The following DDX19A variants were observed in gnomAD, a reference collection of about 807,000 sequenced individuals.
The protein encoded by DDX19A is DEAD-box helicase 19A.
DDX19A carries 12 observed loss-of-function variants against 60.6 expected under a neutral mutation model. The ratio of observed to expected loss-of-function variants is 0.20; its 90% confidence interval spans 0.13 to 0.32. The LOEUF is 0.32. Ranked by LOEUF, DDX19A falls within the 10% of genes least tolerant of loss-of-function variation. The probability of loss-of-function intolerance (pLI) is 1.00; values close to 1 mark genes in which losing one functional copy is unlikely to be tolerated. For synonymous variants in DDX19A, 206 were observed against 218.2 expected, an observed-to-expected ratio of 0.94 and a Z score of 0.49; for missense variants, 337 against 600.6, an observed-to-expected ratio of 0.56 and a Z score of 4.59.
intron 2 of DDX19A, among the ~76,000 whole-genome samples, chr16:70,351,681 T>A (rs1032270124): frequency 2.7e-4 from 41 of 151,750 alleles, no homozygotes; most frequent in African/African-American, 8.7e-4. Context: ...CCCGCCACCA[T>A]GCCCAGCTAA....
intron 1 of DDX19A, chr16:70,347,923 C>T (rs1963887697): frequency 2.4e-6 from 1 of 414,160 alleles, no homozygotes; most frequent in Admixed American, 2.9e-5. Flanking sequence ...CTCCCGACCT[C>T]AAGTGATCCG....
chr16:70,351,082 C>A (rs1410833457), intron 2 of DDX19A, among the ~76,000 whole-genome samples: 1 of 150,764 alleles, frequency 6.6e-6, no homozygotes, highest in Non-Finnish European at 1.5e-5. Context: ...TAGGGTTTCG[C>A]CGTGTTAGCC....
intron 2 of DDX19A, 69 bp from the exon 3 acceptor site, chr16:70,355,416 A>T (rs1293292424): frequency 2.8e-6 from 3 of 1,074,518 alleles, no homozygotes; most frequent in Non-Finnish European, 2.9e-6. Context: ...GTATTTATTT[A>T]TATTGTCCCA....
At chr16:70,357,374 T>TTG (rs1964242345) in intron 4 of DDX19A, among the ~76,000 whole-genome samples, 2 of 43,482 alleles carry the variant, frequency 4.6e-5, no homozygotes, top group East Asian at 1.4e-3. Context: ...TTGTTTTTTT[T>TTG]TTTTTTTTTT....
chr16:70,361,427 G>A lies in DDX19A; in HGVS notation c.303G>A (p.Gln101=). 3 of 1,613,528 alleles carry A rather than the reference G, an allele frequency of 1.9e-6. No individual in the cohort carries two copies. Among genetic ancestry groups the A allele is most frequent in the Non-Finnish European group, 2.5e-6 (3 of 1,179,544 alleles). The change falls in exon 5 of 12, where the codon CAG becomes CAA. Residue 101 remains glutamine (Q), a synonymous_variant. Coordinates refer to ENST00000302243, the MANE Select transcript of DDX19A (RefSeq NM_018332.5). ...KSFEELRLKP[Q]LLQGVYAMGF... ...CTTCCTGGCTTCCTAGGAAACCACA[G>A]CTTCTCCAGGGAGTCTATGCCATGG...
intron 1 of DDX19A, among the ~76,000 whole-genome samples, chr16:70,347,490 A>G (rs1427131743): frequency 6.6e-6 from 1 of 152,200 alleles, no homozygotes; most frequent in Non-Finnish European, 1.5e-5. Context: ...TAATACCTCA[A>G]TCTACTGCAG....
At chr16:70,369,850 A>T (rs555963033) in intron 9 of DDX19A, among the ~76,000 whole-genome samples, 1 of 152,092 alleles carries the variant, frequency 6.6e-6, no homozygotes, top group African/African-American at 2.4e-5. Context: ...AGTTCAAGCG[A>T]TCCACGTGCC....
At chr16:70,352,003 G>A (rs959287847) in intron 2 of DDX19A, among the ~76,000 whole-genome samples, 1 of 152,016 alleles carries the variant, frequency 6.6e-6, no homozygotes, top group Non-Finnish European at 1.5e-5. Context: ...TCAAAATAAG[G>A]TCACATTCTG....
chr16:70,350,122 C>G (rs1194645726), intron 1 of DDX19A, among the ~76,000 whole-genome samples: 1 of 152,022 alleles, frequency 6.6e-6, no homozygotes, highest in Non-Finnish European at 1.5e-5. Flanking sequence ...GCATGGTGGT[C>G]CACACCTGTG....
intron 10 of DDX19A, chr16:70,371,081 CT>C: frequency 1.8e-6 from 1 of 555,492 alleles, no homozygotes; most frequent in South Asian, 2.1e-5. Flanking sequence ...AGGCATCTGA[CT>C]GGTAGAGAAC....
chr16:70,350,715 T>A (rs1963985257), intron 2 of DDX19A, 110 bp downstream of exon 2: 1 of 767,892 alleles, frequency 1.3e-6, no homozygotes, highest in Admixed American at 2.7e-5. Context: ...TTCAGCTGTT[T>A]ACAAGCCAGT....
At chr16:70,370,598 AGGCAGG>A (rs531512263) in intron 10 of DDX19A, 9 of 715,854 alleles carry the variant, frequency 1.3e-5, no homozygotes, top group Non-Finnish European at 1.8e-5. Flanking sequence ...TGCAATCCCA[AGGCAGG>A]AAAATTGCTT....
intron 10 of DDX19A, chr16:70,371,114 G>A (rs144041132): frequency 5.7e-5 from 35 of 614,852 alleles, no homozygotes; most frequent in Non-Finnish European, 7.1e-5. Flanking sequence ...TTCCAGGGGC[G>A]CCCATCTCCA....
chr16:70,367,416 G>T (rs1222266555), intron 9 of DDX19A, among the ~76,000 whole-genome samples: 1 of 150,318 alleles, frequency 6.7e-6, no homozygotes, highest in East Asian at 2.0e-4. Context: ...AACAGAGAGA[G>T]ACTCCGTCTC....
At chr16:70,370,717 C>T (rs931672947) in intron 10 of DDX19A, 3 of 231,300 alleles carry the variant, frequency 1.3e-5, no homozygotes, top group African/African-American at 4.5e-5. Flanking sequence ...AGGAAGAGGG[C>T]AGGCCCAGTG....
chr16:70,365,130 A>T lies in DDX19A; in HGVS notation c.603A>T (p.Lys201Asn), dbSNP rs1362641961. ...LKLAYAVRGN[K>N]LERGQKISEQ... ...TTGCCTATGCCGTTCGAGGCAATAA[A>T]TGTGAGTACGGCAGGCGACAACTGA... Residue 201 changes from lysine (K) to asparagine (N), a missense_variant and splice_region_variant, in exon 7 of 12, where the codon AAA becomes AAT. Around this residue, in one of 6 missense-constraint regions of DDX19A, gnomAD observed 62 missense variants for 75.7 expected, o/e 0.82. Transcript: ENST00000302243. 2 of 1,607,642 alleles carry T rather than the reference A, an allele frequency of 1.2e-6. No individual in the cohort carries two copies. The highest frequency in any genetic ancestry group is 2.2e-5 in the South Asian group (2 of 90,954).
chr16:70,365,537 A>G (rs1964494744), intron 7 of DDX19A: 1 of 189,682 alleles, frequency 5.3e-6, no homozygotes, highest in Non-Finnish European at 1.1e-5. Context: ...CTGCAATCCC[A>G]GCCCTTTGGG....
chr16:70,368,422 G>C (rs535850938), intron 9 of DDX19A, among the ~76,000 whole-genome samples: 1 of 151,706 alleles, frequency 6.6e-6, no homozygotes, highest in Admixed American at 6.6e-5. Context: ...ACCAGCGCCC[G>C]CCATCATGCC....
chr16:70,355,745 T>C (rs927239774), intron 3 of DDX19A: 3 of 593,540 alleles, frequency 5.1e-6, no homozygotes, highest in Admixed American at 3.0e-5. Flanking sequence ...GAGGATTCCT[T>C]TGGGCCAGGA....
Sources: gnomAD v4.1 joint callset for allele counts (sites outside exome capture counted in the v4.1 genomes callset) on GRCh38, gnomAD v4.1.1 for gene constraint, gnomAD v4.1.1 regional missense constraint, MANE v1.5 for transcripts, NCBI Gene and HGNC (gene_info 2026-07-23, HGNC 2026-07-21) for gene names.